XPNPEP3: variants seen among roughly 807,000 people sequenced by gnomAD.
The protein encoded by XPNPEP3 is X-prolyl aminopeptidase 3.
A neutral mutation model predicts 60.0 loss-of-function variants in XPNPEP3; 41 were observed. The observed-to-expected ratio is 0.68, with a 90% CI of 0.53 to 0.89. The LOEUF (loss-of-function observed/expected upper bound fraction) is 0.89. Among genes scored for constraint, XPNPEP3 ranks in the 40% least tolerant of loss-of-function variants. The probability of loss-of-function intolerance (pLI) is 0.00; values close to 1 mark genes in which losing one functional copy is unlikely to be tolerated. For missense variants in XPNPEP3, 598 were observed against 638.9 expected, an observed-to-expected ratio of 0.94 and a Z score of 0.69; for synonymous variants, 212 against 223.2, an observed-to-expected ratio of 0.95 and a Z score of 0.45.
intron 1 of XPNPEP3, chr22:40,860,600 A>G: frequency 3.2e-6 from 4 of 1,252,676 alleles, no homozygotes; most frequent in East Asian, 5.2e-5. Context: ...AATAGGCTAT[A>G]AACTCTACTA....
chr22:40,922,565 G>C (rs1486910035), intron 8 of XPNPEP3, 52 bp downstream of exon 8: 1 of 1,598,878 alleles, frequency 6.3e-7, no homozygotes, highest in East Asian at 2.2e-5. Context: ...CATGCTGCTA[G>C]GTTTTTACCC....
chr22:40,900,114 G>T (rs112863498), intron 4 of XPNPEP3, among the ~76,000 whole-genome samples: 1 of 151,806 alleles, frequency 6.6e-6, no homozygotes, highest in Non-Finnish European at 1.5e-5. Flanking sequence ...CTAAACTTAA[G>T]AGCTCAAATT....
intron 1 of XPNPEP3, among the ~76,000 whole-genome samples, chr22:40,865,456 G>A (rs2057973805): frequency 6.6e-6 from 1 of 151,474 alleles, no homozygotes; most frequent in Non-Finnish European, 1.5e-5. Flanking sequence ...AGCCTCCCGA[G>A]TAGCTGGGAT....
chr22:40,880,458 T>C (rs2058043081), intron 2 of XPNPEP3, among the ~76,000 whole-genome samples: 1 of 150,852 alleles, frequency 6.6e-6, no homozygotes. Flanking sequence ...CATGTATGTA[T>C]GATTTTGTGA....
At chr22:40,876,073 A>C (rs933580141) in intron 2 of XPNPEP3, among the ~76,000 whole-genome samples, 14 of 152,142 alleles carry the variant, frequency 9.2e-5, no homozygotes, top group Non-Finnish European at 2.9e-5. Context: ...CTTTGTGTGT[A>C]GTCCTCATTG....
At chr22:40,909,714 G>A (rs1476953473) in intron 6 of XPNPEP3, among the ~76,000 whole-genome samples, 2 of 151,736 alleles carry the variant, frequency 1.3e-5, no homozygotes, top group African/African-American at 4.8e-5. Flanking sequence ...GTAGTGAGCC[G>A]AGATCACACA....
chr22:40,924,557 T>A, intron 9 of XPNPEP3, 75 bp downstream of exon 9: 1 of 1,582,252 alleles, frequency 6.3e-7, no homozygotes, highest in Non-Finnish European at 8.6e-7. Context: ...GGAGTTTTGC[T>A]CTTTCGCCCA....
intron 4 of XPNPEP3, among the ~76,000 whole-genome samples, chr22:40,889,348 A>G (rs142943231): frequency 1.2e-3 from 189 of 152,300 alleles, no homozygotes; most frequent in Non-Finnish European, 2.3e-3. Context: ...TTCAGTCAGT[A>G]TGTTTCCTGC....
chr22:40,910,866 G>T (rs962247795), intron 6 of XPNPEP3, among the ~76,000 whole-genome samples: 1 of 152,118 alleles, frequency 6.6e-6, no homozygotes. Context: ...AAATTAGCTG[G>T]GTGTGGTGGC....
At chr22:40,872,642 G>C (rs944290408) in intron 2 of XPNPEP3, among the ~76,000 whole-genome samples, 11 of 151,822 alleles carry the variant, frequency 7.2e-5, no homozygotes, top group Admixed American at 5.3e-4. Context: ...GTAGAAATGG[G>C]GTTTCACCAT....
At chr22:40,860,656 C>CTT (rs202011264) in intron 1 of XPNPEP3, 718 of 1,128,974 alleles carry the variant, frequency 6.4e-4, no homozygotes, top group South Asian at 1.5e-3. Context: ...TTCCAAATTC[C>CTT]TTTTTTTTTT....
chr22:40,908,915 A>G (rs2058166317), intron 5 of XPNPEP3, among the ~76,000 whole-genome samples: 1 of 152,248 alleles, frequency 6.6e-6, no homozygotes, highest in Admixed American at 6.5e-5. Flanking sequence ...ATAAAAAAGT[A>G]TACTTACATA....
intron 2 of XPNPEP3, among the ~76,000 whole-genome samples, chr22:40,879,639 C>T (rs908762593): frequency 2.0e-5 from 3 of 151,828 alleles, no homozygotes; most frequent in Non-Finnish European, 4.4e-5. Flanking sequence ...GTCAGGAGTT[C>T]GAAACCAGCC....
intron 2 of XPNPEP3, among the ~76,000 whole-genome samples, chr22:40,869,664 A>G (rs980247841): frequency 1.3e-5 from 2 of 152,230 alleles, no homozygotes; most frequent in African/African-American, 4.8e-5. Flanking sequence ...AAAAAATGAT[A>G]AAGGTTTGTT....
chr22:40,860,752 A>G, intron 1 of XPNPEP3: 1 of 767,900 alleles, frequency 1.3e-6, no homozygotes, highest in Non-Finnish European at 2.0e-6. Context: ...TTCCAGGCTC[A>G]AGCAGTCTTT....
At chr22:40,907,289 C>G in intron 4 of XPNPEP3, 1 of 417,862 alleles carries the variant, frequency 2.4e-6, no homozygotes, top group Middle Eastern at 7.9e-4. Context: ...GGTGTGGTGG[C>G]GGGCGCCTGT....
intron 4 of XPNPEP3, among the ~76,000 whole-genome samples, chr22:40,904,857 CG>C (rs1266426753): frequency 6.6e-6 from 1 of 151,908 alleles, no homozygotes; most frequent in Non-Finnish European, 1.5e-5. Context: ...CTCCACCTTC[CG>C]GGTACAAGTG....
chr22:40,861,159 G>A (rs763891223), intron 1 of XPNPEP3: 11 of 1,613,758 alleles, frequency 6.8e-6, no homozygotes, highest in Non-Finnish European at 9.3e-6. Context: ...GAAAATAGGG[G>A]GATCTCTGTT....
rs1001092998 is a variant in XPNPEP3, at chr22:40,930,137, T to G, written c.*3702T>G. On this transcript the variant is annotated 3_prime_UTR_variant, in exon 10 of 10. Coordinates refer to ENST00000357137, the MANE Select transcript of XPNPEP3 (RefSeq NM_022098.4). Reference sequence around the variant, plus strand: ...GGTTTTTTGTGGGGTTTTTTTGTTTTTTTTTTTTTTGAGATGGAGTCTCGC... The same window carrying G: ...GGTTTTTTGTGGGGTTTTTTTGTTTGTTTTTTTTTTGAGATGGAGTCTCGC... 13 of 150,442 alleles carry G rather than the reference T, an allele frequency of 8.6e-5. No homozygotes were observed. Among genetic ancestry groups the G allele is most frequent in the African/African-American group, 2.9e-4 (12 of 41,156 alleles). The allele number at this position is 150,442 out of a possible 1,614,324, so 9.3% of individuals were successfully genotyped here. A position where few individuals can be genotyped will look rare whatever the true frequency, so the allele number is the denominator to read the frequency against.
Sources: allele counts gnomAD v4.1 joint callset (sites outside exome capture counted in the v4.1 genomes callset), GRCh38; gene constraint gnomAD v4.1.1; transcripts MANE v1.5; gene names NCBI Gene and HGNC (gene_info 2026-07-23, HGNC 2026-07-21).